Variants in CACNA2D1 observed in about 807,000 individuals in gnomAD.
CACNA2D1 encodes the protein calcium voltage-gated channel auxiliary subunit alpha2delta 1.
Under a neutral mutation model 171.5 loss-of-function variants are expected in CACNA2D1, and 53 were observed. The ratio of observed to expected loss-of-function variants is 0.31; its 90% CI spans 0.25 to 0.39. CACNA2D1 has a LOEUF of 0.39. Among genes scored for constraint, CACNA2D1 ranks in the 10% least tolerant of loss-of-function variants. CACNA2D1 has a pLI of 1.00. For synonymous variants in CACNA2D1, 442 were observed against 443.1 expected, an observed-to-expected ratio of 1.00 and a Z score of 0.03; for missense variants, 903 against 1,299.8, an observed-to-expected ratio of 0.69 and a Z score of 4.69.
chr7:82,270,638 TGG>T (rs1186662094), intron 3 of CACNA2D1, among the ~76,000 whole-genome samples: 1 of 152,112 alleles, frequency 6.6e-6, no homozygotes, highest in Non-Finnish European at 1.5e-5. Context: ...TTTTCCAAAG[TGG>T]TTTCTGTGAA....
chr7:82,162,621 T>A (rs1392209354), intron 4 of CACNA2D1, among the ~76,000 whole-genome samples: 3 of 148,832 alleles, frequency 2.0e-5, no homozygotes, highest in African/African-American at 7.7e-5. Flanking sequence ...TTCTTTAGTA[T>A]TTCTTCTTTT....
At chr7:82,066,614 G>A in intron 7 of CACNA2D1, 90 bp from the exon 8 acceptor site, 3 of 1,481,410 alleles carry the variant, frequency 2.0e-6, no homozygotes, top group South Asian at 1.3e-5. Flanking sequence ...AAAAGCAATA[G>A]ATACATAATT....
At chr7:82,374,790 C>CAAA (rs370914675) in intron 1 of CACNA2D1, among the ~76,000 whole-genome samples, 1 of 148,526 alleles carries the variant, frequency 6.7e-6, no homozygotes, top group African/African-American at 2.5e-5. Flanking sequence ...AAATGCCCCC[C>CAAA]AAAAAAAGAA....
At chr7:82,364,917 G>C (rs1217786936) in intron 1 of CACNA2D1, among the ~76,000 whole-genome samples, 1 of 152,146 alleles carries the variant, frequency 6.6e-6, no homozygotes, top group Non-Finnish European at 1.5e-5. Context: ...CTTCAGTAGA[G>C]ACATTCAGGG....
chr7:81,952,882 T>C (rs1379269314), intron 38 of CACNA2D1, among the ~76,000 whole-genome samples: 4 of 152,116 alleles, frequency 2.6e-5, no homozygotes, highest in Non-Finnish European at 4.4e-5. Flanking sequence ...GTATGTCTCA[T>C]AGGGATTTCA....
At chr7:82,337,825 C>T (rs996033379) in intron 2 of CACNA2D1, among the ~76,000 whole-genome samples, 2 of 152,206 alleles carry the variant, frequency 1.3e-5, no homozygotes, top group Admixed American at 1.3e-4. Flanking sequence ...TTTAGTTTCC[C>T]TAAAGTTGAA....
chr7:82,051,743 TAAAC>T (rs1738513085), intron 10 of CACNA2D1, among the ~76,000 whole-genome samples: 1 of 152,174 alleles, frequency 6.6e-6, no homozygotes, highest in South Asian at 2.1e-4. Context: ...CTCACATTCA[TAAAC>T]AAATTCAAAT....
At chr7:81,974,422 TCAAG>T (rs1371568740) in intron 25 of CACNA2D1, 29 bp downstream of exon 25, 1 of 1,039,138 alleles carries the variant, frequency 9.6e-7, no homozygotes, top group Admixed American at 1.7e-5. Flanking sequence ...AGAACCACAC[TCAAG>T]CAATCATTTT....
chr7:82,363,254 C>CTCTTTTTT (rs1821286522), intron 1 of CACNA2D1, among the ~76,000 whole-genome samples: 3 of 63,420 alleles, frequency 4.7e-5, no homozygotes, highest in African/African-American at 2.5e-4. Flanking sequence ...TTATTTGTCT[C>CTCTTTTTT]TTTTTTTTTT....
At chr7:82,142,751 A>G (rs2129090830) in intron 4 of CACNA2D1, among the ~76,000 whole-genome samples, 1 of 152,244 alleles carries the variant, frequency 6.6e-6, no homozygotes, top group Non-Finnish European at 1.5e-5. Flanking sequence ...TCTTATTGTC[A>G]TTTTTATCAC....
chr7:82,131,158 G>A lies in CACNA2D1; in HGVS notation c.396+5477C>T, dbSNP rs1790933300. Among the ~76,000 whole-genome samples the A allele has an allele frequency of 1.3e-5, 2 of 152,074 alleles. 1 individual carries two copies. The highest frequency in any genetic ancestry group is 4.1e-4 in the South Asian group (2 of 4,824). On this transcript the variant is annotated intron_variant, in intron 5 of 38. Coordinates refer to ENST00000356860, the MANE Select transcript of CACNA2D1 (RefSeq NM_000722.4). Reference sequence around the variant, plus strand: ...CATTTGTATTTTGAATTTCTTTACAGTAAACTGCAGCCTAACTTAGTATGT... The same window carrying A: ...CATTTGTATTTTGAATTTCTTTACAATAAACTGCAGCCTAACTTAGTATGT...
rs111371963 is a variant in CACNA2D1, at chr7:82,193,930, C to G, written c.295-23321G>C. On this transcript the variant is annotated intron_variant, in intron 3 of 38. Transcript: ENST00000356860. ...TATGCATATTTTATCAACTTTATGT[C>G]ATATTTTTAAAAGCATCATATCTGT... Among the ~76,000 whole-genome samples, 898 of 151,946 alleles carry G rather than the reference C, an allele frequency of 5.9e-3. 8 individuals carry two copies. The highest frequency in any genetic ancestry group is 8.5e-3 in the Non-Finnish European group (576 of 67,906).
intron 8 of CACNA2D1, 108 bp from the exon 9 acceptor site, chr7:82,064,462 A>G: frequency 2.7e-6 from 2 of 731,722 alleles, no homozygotes; most frequent in Non-Finnish European, 4.9e-6. Flanking sequence ...TCCCCAAGCA[A>G]AGACCCACTT....
chr7:82,090,655 G>GCAC (rs1303156479), intron 6 of CACNA2D1, among the ~76,000 whole-genome samples: 2 of 151,726 alleles, frequency 1.3e-5, no homozygotes. Flanking sequence ...CTACATTTTG[G>GCAC]CACTCTTTGG....
At chr7:82,105,311 A>T (rs1327947392) in intron 6 of CACNA2D1, among the ~76,000 whole-genome samples, 3 of 151,690 alleles carry the variant, frequency 2.0e-5, no homozygotes, top group Non-Finnish European at 4.4e-5. Flanking sequence ...AATACAGAGG[A>T]TAATCAATTT....
chr7:82,435,915 A>T (rs1210378085), intron 1 of CACNA2D1, among the ~76,000 whole-genome samples: 1 of 152,216 alleles, frequency 6.6e-6, no homozygotes, highest in Non-Finnish European at 1.5e-5. Flanking sequence ...ATAGCTACCA[A>T]CATCACTTCC....
chr7:82,206,255 A>G (rs914484201), intron 3 of CACNA2D1, among the ~76,000 whole-genome samples: 2 of 151,996 alleles, frequency 1.3e-5, no homozygotes, highest in Admixed American at 1.3e-4. Flanking sequence ...AAATATATAT[A>G]TATATTTGTC....
At chr7:82,174,042 CAAAAAAAA>C (rs71093365) in intron 3 of CACNA2D1, among the ~76,000 whole-genome samples, 4 of 45,628 alleles carry the variant, frequency 8.8e-5, no homozygotes, top group African/African-American at 3.5e-4. Flanking sequence ...GACCCTGTCT[CAAAAAAAA>C]AAAAAAAAAA....
intron 3 of CACNA2D1, among the ~76,000 whole-genome samples, chr7:82,201,435 T>C (rs1289591429): frequency 6.6e-6 from 1 of 152,200 alleles, no homozygotes; most frequent in South Asian, 2.1e-4. Context: ...ACATTAGGTG[T>C]CTGGATAATT....
Sources: gnomAD v4.1 joint callset for allele counts (sites outside exome capture counted in the v4.1 genomes callset) on GRCh38, gnomAD v4.1.1 for gene constraint, MANE v1.5 for transcripts, NCBI Gene and HGNC (gene_info 2026-07-23, HGNC 2026-07-21) for gene names.